The following TRAF3 variants were observed in gnomAD, a reference collection of about 807,000 sequenced individuals.
The protein encoded by TRAF3 is TNF receptor-associated factor 3.
TRAF3 carries 13 observed loss-of-function variants against 62.3 expected under a neutral mutation model. That is an observed-to-expected ratio of 0.21 (90% CI 0.14 to 0.33). The LOEUF (loss-of-function observed/expected upper bound fraction) is 0.33, where lower values mean the gene tolerates loss of function less well. Ranked by LOEUF, TRAF3 falls within the 10% of genes least tolerant of loss-of-function variation. TRAF3 has a pLI of 1.00. For synonymous variants in TRAF3, 269 were observed against 283.4 expected (o/e 0.95, Z 0.51); for missense variants, 440 against 741.8 (o/e 0.59, Z 4.73).
intron 6 of TRAF3, 152 bp from the exon 7 acceptor site, chr14:102,886,037 A>G (rs1042692376): frequency 1.2e-4 from 78 of 670,516 alleles, no homozygotes; most frequent in Middle Eastern, 2.6e-4. Context: ...CTCCGTGACA[A>G]TAATGACTCA....
At chr14:102,881,853 C>T (rs775428037) in intron 6 of TRAF3, among the ~76,000 whole-genome samples, 2 of 152,146 alleles carry the variant, frequency 1.3e-5, no homozygotes, top group Non-Finnish European at 2.9e-5. Context: ...GGAATCGTAG[C>T]GTATGTCTGT....
At chr14:102,816,316 T>C (rs1899516492) in intron 1 of TRAF3, among the ~76,000 whole-genome samples, 1 of 152,090 alleles carries the variant, frequency 6.6e-6, no homozygotes, top group Non-Finnish European at 1.5e-5. Flanking sequence ...TTGGCCAGGC[T>C]GGTCTCGAAC....
rs186883133 is a variant in TRAF3 at position 102,870,180 on chromosome 14, G to A, written c.-17-5G>A. 908 of 1,613,856 alleles carry A rather than the reference G, an allele frequency of 5.6e-4. No individual in the cohort carries two copies. The highest frequency in any genetic ancestry group is 7.2e-4 in the Non-Finnish European group (844 of 1,179,966). ...TGATGGCACTCTACTGTTTTTTCCC[G>A]ACAGAACTCCTCTTTCCTAAAATGG... On this transcript the variant is annotated splice_polypyrimidine_tract_variant and splice_region_variant and intron_variant, in intron 2 of 11. Transcript: ENST00000392745.
At chr14:102,802,577 C>G (rs970363926) in intron 1 of TRAF3, among the ~76,000 whole-genome samples, 2 of 151,460 alleles carry the variant, frequency 1.3e-5, no homozygotes, top group African/African-American at 4.9e-5. Flanking sequence ...GCCTGTAATC[C>G]CAGCACTTTG....
chr14:102,871,829 G>T, intron 3 of TRAF3, 88 bp from the exon 4 acceptor site: 3 of 1,283,420 alleles, frequency 2.3e-6, no homozygotes, highest in South Asian at 2.4e-5. Flanking sequence ...GTGCAGACCT[G>T]ACCATAAAGT....
chr14:102,891,479 C>CA (rs1250426846), intron 9 of TRAF3, 62 bp downstream of exon 9: 11 of 1,529,124 alleles, frequency 7.2e-6, no homozygotes, highest in Non-Finnish European at 9.7e-6. Context: ...TATTTAAAGA[C>CA]AAAACCTTTT....
At position 102,806,602 on chromosome 14, in the gene TRAF3, G is replaced by A. The variant is rs539808407; in HGVS notation, c.-156-23732G>A. Among the ~76,000 whole-genome samples the A allele has an allele frequency of 2.7e-3, 411 of 152,216 alleles. 1 individual carries two copies. Among genetic ancestry groups the A allele is most frequent in the Non-Finnish European group, 4.7e-3 (318 of 68,010 alleles). On this transcript the variant is annotated intron_variant, in intron 1 of 11. Coordinates refer to ENST00000392745, the MANE Select transcript of TRAF3 (RefSeq NM_145725.3). ...AGCTATTGAGTCCTTGGTATGTGCCGGGCACCCTCCTGTGTACCAGGGCAT... is the reference window on the plus strand; with the variant it reads ...AGCTATTGAGTCCTTGGTATGTGCCAGGCACCCTCCTGTGTACCAGGGCAT...
chr14:102,899,187 T>G (rs1890152503), intron 10 of TRAF3, among the ~76,000 whole-genome samples: 1 of 152,280 alleles, frequency 6.6e-6, no homozygotes, highest in South Asian at 2.1e-4. Context: ...AAGGGGAAAT[T>G]CAGTGTTACC....
chr14:102,821,817 G>T (rs1392532077), intron 1 of TRAF3, among the ~76,000 whole-genome samples: 1 of 152,214 alleles, frequency 6.6e-6, no homozygotes, highest in African/African-American at 2.4e-5. Flanking sequence ...CCCGAGGCAG[G>T]CAGATCATGA....
chr14:102,885,541 G>T (rs189675877), intron 6 of TRAF3, among the ~76,000 whole-genome samples: 97 of 152,330 alleles, frequency 6.4e-4, no homozygotes, highest in Middle Eastern at 3.4e-3. Flanking sequence ...ATGGGATAGG[G>T]CTTAATAGTC....
At chr14:102,805,246 T>TCTG (rs1898699173) in intron 1 of TRAF3, among the ~76,000 whole-genome samples, 1 of 152,220 alleles carries the variant, frequency 6.6e-6, no homozygotes, top group Admixed American at 6.5e-5. Context: ...ATTCACTGGA[T>TCTG]GCTTCTTTTC....
intron 2 of TRAF3, among the ~76,000 whole-genome samples, chr14:102,866,736 T>G (rs997432268): frequency 1.2e-4 from 19 of 152,114 alleles, no homozygotes; most frequent in African/African-American, 4.6e-4. Flanking sequence ...TCCTAGCTAC[T>G]CTGGAGGCTG....
intron 2 of TRAF3, among the ~76,000 whole-genome samples, chr14:102,859,194 A>C (rs368021979): frequency 2.9e-5 from 2 of 69,266 alleles, no homozygotes; most frequent in Non-Finnish European, 4.7e-5. Context: ...AATTTAGGCC[A>C]AAAAAAAAAA....
chr14:102,792,655 A>G lies in TRAF3; in HGVS notation c.-157+14980A>G, dbSNP rs142452115. 5.4e-3 allele frequency among the ~76,000 whole-genome samples: 810 copies of G among 150,264 alleles called. 6 individuals carry two copies. Among genetic ancestry groups the G allele is most frequent in the Admixed American group, 1.0e-2 (150 of 15,058 alleles). On this transcript the variant is annotated intron_variant, in intron 1 of 11. Transcript: ENST00000392745. ...CTTCTGAGATGATCATATTTTTTTC[A>G]TTGTTCTAGTAATGTAGTGTATTGT...
intron 1 of TRAF3, among the ~76,000 whole-genome samples, chr14:102,782,520 A>T (rs780648138): frequency 1.3e-5 from 2 of 152,194 alleles, no homozygotes; most frequent in African/African-American, 4.8e-5. Flanking sequence ...GGCGTGAGCC[A>T]CCGCACCCTG....
chr14:102,879,623 G>A lies in TRAF3; in HGVS notation c.570+3098G>A, dbSNP rs149162717. ...TGCTTTTTTCTCTATGAAATGAGTT[G>A]TAGTCCTCTTAGGTTGGTGCAAAAG... is the stretch of plus-strand genomic sequence containing the variant. On this transcript the variant is annotated intron_variant, in intron 6 of 11. Coordinates refer to ENST00000392745, the MANE Select transcript of TRAF3 (RefSeq NM_145725.3). 5.3e-3 allele frequency among the ~76,000 whole-genome samples: 802 copies of A among 151,640 alleles called. 9 individuals are homozygous for A. The highest frequency in any genetic ancestry group is 0.019 in the African/African-American group (784 of 41,380).
chr14:102,798,816 T>A (rs1466899945), intron 1 of TRAF3, among the ~76,000 whole-genome samples: 2 of 152,200 alleles, frequency 1.3e-5, no homozygotes, highest in East Asian at 3.9e-4. Flanking sequence ...CCAGTCCTGC[T>A]GTTACAGTGC....
At chr14:102,833,037 G>A (rs1276155909) in intron 2 of TRAF3, among the ~76,000 whole-genome samples, 1 of 152,196 alleles carries the variant, frequency 6.6e-6, no homozygotes, top group African/African-American at 2.4e-5. Flanking sequence ...ACATAAATGG[G>A]TGTGACCTCC....
Position 102,874,423 on chromosome 14 carries a change from A to AT in TRAF3, c.298-1194dup, listed in dbSNP as rs987905812. Among the ~76,000 whole-genome samples the AT allele has an allele frequency of 1.1e-4, 16 of 151,814 alleles. No homozygotes were observed. In the East Asian group the frequency reaches 2.9e-3, roughly 28 times the overall value. Reference sequence around the variant, plus strand: ...AGGCATGTGCCACCACACCCGGTTAATTTTTTTGTATTTCTAGTAGAGATG... The same window carrying AT: ...AGGCATGTGCCACCACACCCGGTTAATTTTTTTTGTATTTCTAGTAGAGATG... On this transcript the variant is annotated intron_variant, in intron 4 of 11. Coordinates refer to ENST00000392745, the MANE Select transcript of TRAF3 (RefSeq NM_145725.3).
Sources: gnomAD v4.1 joint callset for allele counts (sites outside exome capture counted in the v4.1 genomes callset) on GRCh38, gnomAD v4.1.1 for gene constraint, MANE v1.5 for transcripts, NCBI Gene and HGNC (gene_info 2026-07-23, HGNC 2026-07-21) for gene names.